The following STX11 variants were observed in gnomAD, a reference collection of about 807,000 sequenced individuals.
The protein encoded by STX11 is syntaxin-11.
STX11 carries 21 observed loss-of-function variants against 19.9 expected under a neutral mutation model. That is an observed-to-expected ratio of 1.06 (90% confidence interval 0.75 to 1.52). STX11 has a LOEUF of 1.52. Ranked by LOEUF, STX11 falls within the 40% of genes most tolerant of loss-of-function variation. STX11 has a pLI of 0.00. For missense variants in STX11, 438 were observed against 405.9 expected (o/e 1.08, Z -0.68); for synonymous variants, 193 against 174.4 (o/e 1.11, Z -0.84).
chr6:144,185,642 GATGA>G (rs1387137011), intron 1 of STX11, among the ~76,000 whole-genome samples: 2 of 152,218 alleles, frequency 1.3e-5, no homozygotes, highest in Non-Finnish European at 2.9e-5. Flanking sequence ...GCTGCTACAT[GATGA>G]ATGAATGGGA....
chr6:144,191,156 G>A lies in STX11; in HGVS notation c.*3665G>A, dbSNP rs986104010. Among the ~76,000 whole-genome samples, 2 of 150,462 alleles carry A rather than the reference G, an allele frequency of 1.3e-5. No individual in the cohort carries two copies. The highest frequency in any genetic ancestry group is 3.0e-5 in the Non-Finnish European group (2 of 67,630). ...TTATAGCTATTTTAACATATACAGT[G>A]ACTACTTTCTACTAGCCAAATATCA... On this transcript the variant is annotated 3_prime_UTR_variant, in exon 2 of 2. Coordinates refer to ENST00000367568, the MANE Select transcript of STX11 (RefSeq NM_003764.4).
chr6:144,151,279 G>A lies in STX11; in HGVS notation c.-6+576G>A. 4 of 985,424 alleles carry A rather than the reference G, an allele frequency of 4.1e-6. No individual in the cohort carries two copies. Among genetic ancestry groups the A allele is most frequent in the Non-Finnish European group, 4.8e-6 (4 of 829,932 alleles). The allele number at this position is 985,424 out of a possible 1,614,324, so 61.0% of individuals were successfully genotyped here. ...TGGCAATGCCTGCGAGAGCCACGCCGTCCTGAGAGGGAATTCTGCCTTTTT... is the reference window on the plus strand; with the variant it reads ...TGGCAATGCCTGCGAGAGCCACGCCATCCTGAGAGGGAATTCTGCCTTTTT... On this transcript the variant is annotated intron_variant, in intron 1 of 1. Coordinates refer to ENST00000367568, the MANE Select transcript of STX11 (RefSeq NM_003764.4). This position sits in a 1 kb window ranked among gnomAD's most constrained non-coding sequence, Gnocchi z 4.6.
intron 1 of STX11, 76 bp from the exon 2 acceptor site, chr6:144,186,547 G>GT (rs1039329806): frequency 2.8e-5 from 44 of 1,597,598 alleles, no homozygotes; most frequent in Non-Finnish European, 3.6e-5. Context: ...TGAGTAAAAT[G>GT]TTTAAGTTTC....
chr6:144,158,440 GA>G (rs1303474952), intron 1 of STX11, among the ~76,000 whole-genome samples: 4 of 152,214 alleles, frequency 2.6e-5, no homozygotes, highest in African/African-American at 9.6e-5. Flanking sequence ...AATAGTTGCA[GA>G]TGGGGGATGG....
intron 1 of STX11, among the ~76,000 whole-genome samples, chr6:144,179,848 T>C (rs1166838872): frequency 2.6e-5 from 4 of 152,210 alleles, no homozygotes; most frequent in Non-Finnish European, 5.9e-5. Context: ...TTACAATTGG[T>C]ATAAAATTAG....
rs1054316270 is a variant in STX11 at position 144,159,812 on chromosome 6, T to C, written c.-6+9109T>C. Among the ~76,000 whole-genome samples the C allele has an allele frequency of 1.3e-5, 2 of 152,156 alleles. No homozygotes were observed. Among genetic ancestry groups the C allele is most frequent in the Non-Finnish European group, 2.9e-5 (2 of 68,026 alleles). ...GGAGGGTGCTTGACAGATTTGCTTTTGGGTCTTGTTGGAGACAGTGGGTGA... is the reference window on the plus strand; with the variant it reads ...GGAGGGTGCTTGACAGATTTGCTTTCGGGTCTTGTTGGAGACAGTGGGTGA... On this transcript the variant is annotated intron_variant, in intron 1 of 1. Transcript: ENST00000367568. This position sits in a 1 kb window ranked among gnomAD's most constrained non-coding sequence, Gnocchi z 4.3.
chr6:144,181,352 T>C (rs1253370473), intron 1 of STX11, among the ~76,000 whole-genome samples: 1 of 152,056 alleles, frequency 6.6e-6, no homozygotes, highest in African/African-American at 2.4e-5. Flanking sequence ...CCCAGAACTT[T>C]GGGAGGCTGA....
chr6:144,163,502 G>C (rs1801398654), intron 1 of STX11, among the ~76,000 whole-genome samples: 1 of 151,802 alleles, frequency 6.6e-6, no homozygotes. Flanking sequence ...TTTTGAGACA[G>C]AGTCTTACTC....
Position 144,169,728 on chromosome 6 carries a change from C to G in STX11, c.-5-16895C>G, listed in dbSNP as rs1046694936. ...ACCTATGAGGTCTTGCTCTGTCACC[C>G]AGGCTGGAGTGCAGTGGCACAATCA... is the stretch of plus-strand genomic sequence containing the variant. On this transcript the variant is annotated intron_variant, in intron 1 of 1. Transcript: ENST00000367568. This position sits in a 1 kb window ranked among gnomAD's most constrained non-coding sequence, Gnocchi z 5.2. 2.7e-5 allele frequency among the ~76,000 whole-genome samples: 4 copies of G among 149,782 alleles called. No individual in the cohort carries two copies. Among genetic ancestry groups the G allele is most frequent in the Non-Finnish European group, 4.4e-5 (3 of 67,472 alleles).
Position 144,187,323 on chromosome 6 carries a change from G to T in STX11, c.696G>T (p.Ala232=), listed in dbSNP as rs1253451978. 1.2e-6 allele frequency: 2 copies of T among 1,611,252 alleles called. No homozygotes were observed. The highest frequency in any genetic ancestry group is 1.7e-5 in the Admixed American group (1 of 60,034). Residue 232 remains alanine (A), a synonymous_variant, in exon 2 of 2, where the codon GCG becomes GCT. Transcript: ENST00000367568. The surrounding 1 kb of genome is among the most constrained non-coding windows in gnomAD (Gnocchi z 5.6). ...RDVHELFLQM[A]VLVEKQADTL... is the part of the protein sequence containing the mutation. ...TACACGAGCTCTTCTTGCAGATGGC[G>T]GTGCTGGTGGAGAAGCAGGCCGACA...
Position 144,169,348 on chromosome 6 carries a change from T to A in STX11, c.-5-17275T>A, listed in dbSNP as rs899255471. On this transcript the variant is annotated intron_variant, in intron 1 of 1. Transcript: ENST00000367568. The surrounding 1 kb of genome is among the most constrained non-coding windows in gnomAD (Gnocchi z 5.2). ...ATCAGCAATGACCTTGGCAAATTCA[T>A]CAATTAATTTCTCTGCTGCTTTGTG... Among the ~76,000 whole-genome samples, 1 of 152,248 alleles carries A rather than the reference T, an allele frequency of 6.6e-6. No homozygotes were observed. Among genetic ancestry groups the A allele is most frequent in the Non-Finnish European group, 1.5e-5 (1 of 68,044 alleles).
At chr6:144,179,856 T>C (rs1043237617) in intron 1 of STX11, among the ~76,000 whole-genome samples, 5 of 152,222 alleles carry the variant, frequency 3.3e-5, no homozygotes, top group Admixed American at 3.3e-4. Context: ...GGTATAAAAT[T>C]AGGACATAGG....
the STX11 span, among the ~76,000 whole-genome samples, chr6:144,140,209 CATATATATATATATATAT>C: frequency 3.6e-4 from 16 of 44,456 alleles, no homozygotes; most frequent in South Asian, 2.2e-3. Context: ...GGTCAATTCA[CATATATATATATATATAT>C]ATATATATAT....
At position 144,177,884 on chromosome 6, in the gene STX11, A is replaced by T. The variant is rs540631401; in HGVS notation, c.-5-8739A>T. ...GTTAATAATTTTATGGATTTTTTTTAAAGTTGTGGTGACTTACTCCCTGTT... is the reference window on the plus strand; with the variant it reads ...GTTAATAATTTTATGGATTTTTTTTTAAGTTGTGGTGACTTACTCCCTGTT... On this transcript the variant is annotated intron_variant, in intron 1 of 1. Transcript: ENST00000367568. This position sits in a 1 kb window ranked among gnomAD's most constrained non-coding sequence, Gnocchi z 4.4. Among the ~76,000 whole-genome samples, 64 of 152,278 alleles carry T rather than the reference A, an allele frequency of 4.2e-4. No individual in the cohort carries two copies. The highest frequency in any genetic ancestry group is 1.5e-3 in the African/African-American group (61 of 41,568).
At chr6:144,140,447 G>T in the STX11 span, among the ~76,000 whole-genome samples, 6 of 151,502 alleles carry the variant, frequency 4.0e-5, no homozygotes, top group Admixed American at 2.0e-4. Flanking sequence ...TAGAGATGGG[G>T]TTTCGCCGTG....
chr6:144,187,184 G>A lies in STX11; in HGVS notation c.557G>A (p.Trp186Ter). ...QIEDMFEQGK[W>*]DVFSENLLAD... ...GAGGACATGTTCGAGCAGGGTAAGT[G>A]GGACGTGTTTTCCGAGAACTTGCTG... Residue 186 changes from tryptophan (W) to a stop codon, truncating the protein, a stop_gained, in exon 2 of 2, where the codon TGG becomes TAG. Coordinates refer to ENST00000367568, the MANE Select transcript of STX11 (RefSeq NM_003764.4). LOFTEE classifies it high-confidence loss of function. This position sits in a 1 kb window ranked among gnomAD's most constrained non-coding sequence, Gnocchi z 5.6. 3 of 1,613,988 alleles carry A rather than the reference G, an allele frequency of 1.9e-6. No individual in the cohort carries two copies. Among genetic ancestry groups the A allele is most frequent in the Non-Finnish European group, 2.5e-6 (3 of 1,179,998 alleles).
At chr6:144,168,036 C>G (rs904103645) in intron 1 of STX11, among the ~76,000 whole-genome samples, 5 of 152,210 alleles carry the variant, frequency 3.3e-5, no homozygotes, top group Non-Finnish European at 7.3e-5. Context: ...GTAGCATCAC[C>G]AAATACCTAT....
chr6:144,164,318 G>A (rs1801421869), intron 1 of STX11, among the ~76,000 whole-genome samples: 1 of 152,026 alleles, frequency 6.6e-6, no homozygotes, highest in Admixed American at 6.6e-5. Flanking sequence ...ATAGAATTGA[G>A]GTATTTTAAT....
chr6:144,169,109 G>C lies in STX11; in HGVS notation c.-5-17514G>C, dbSNP rs1801560195. On this transcript the variant is annotated intron_variant, in intron 1 of 1. Transcript: ENST00000367568. The surrounding 1 kb of genome is among the most constrained non-coding windows in gnomAD (Gnocchi z 5.2). ...TGGATTGGTAAGAAATTCACTCCTT[G>C]GAAACAGCAAAGACACAAGCTTTTG... Among the ~76,000 whole-genome samples the C allele has an allele frequency of 6.6e-6, 1 of 152,144 alleles. No individual in the cohort carries two copies. Among genetic ancestry groups the C allele is most frequent in the Non-Finnish European group, 1.5e-5 (1 of 68,030 alleles).
Sources: gnomAD v4.1 joint callset for allele counts (sites outside exome capture counted in the v4.1 genomes callset) on GRCh38, gnomAD v4.1.1 for gene constraint, Gnocchi (gnomAD v3.1) non-coding constraint, MANE v1.5 for transcripts, NCBI Gene and HGNC (gene_info 2026-07-23, HGNC 2026-07-21) for gene names.